Variants in SRGAP2 observed in about 807,000 individuals in gnomAD.
SRGAP2 encodes SLIT-ROBO Rho GTPase-activating protein 2.
A neutral mutation model predicts 57.2 loss-of-function variants in SRGAP2; 15 were observed. That is an observed-to-expected ratio of 0.26 (90% CI 0.18 to 0.40). The LOEUF is 0.40. SRGAP2 is among the 10% of genes least tolerant of loss of function. The pLI, the probability that SRGAP2 is intolerant of heterozygous loss-of-function variation, is 1.00. For missense variants in SRGAP2, 520 were observed against 669.6 expected (o/e 0.78, Z 2.47); for synonymous variants, 249 against 248.0 (o/e 1.00, Z -0.04).
At chr1:206,322,777 G>T (rs1227771146) in intron 3 of SRGAP2, among the ~76,000 whole-genome samples, 1 of 142,440 alleles carries the variant, frequency 7.0e-6, no homozygotes, top group Non-Finnish European at 1.5e-5. Context: ...CCTGAGTCCA[G>T]GTAATTTATA....
intron 3 of SRGAP2, among the ~76,000 whole-genome samples, chr1:206,307,100 C>G (rs1372339648): frequency 2.6e-5 from 4 of 151,938 alleles, no homozygotes; most frequent in South Asian, 2.1e-4. Context: ...CAGCTAGATA[C>G]AGAGTGTCGA....
At chr1:206,313,132 C>T (rs2102798078) in intron 3 of SRGAP2, among the ~76,000 whole-genome samples, 2 of 147,074 alleles carry the variant, frequency 1.4e-5, no homozygotes, top group South Asian at 2.2e-4. Flanking sequence ...AGACCTTCTG[C>T]TATTTTATAA....
At chr1:206,361,468 G>C (rs1452381519) in intron 4 of SRGAP2, among the ~76,000 whole-genome samples, 3 of 152,180 alleles carry the variant, frequency 2.0e-5, no homozygotes, top group Non-Finnish European at 2.9e-5. Context: ...GCCTCCTGGA[G>C]ATCCTGTGAG....
At chr1:206,319,147 C>T (rs1553326862) in intron 3 of SRGAP2, among the ~76,000 whole-genome samples, 3 of 151,082 alleles carry the variant, frequency 2.0e-5, no homozygotes, top group Non-Finnish European at 1.5e-5. Flanking sequence ...TGCGGTGGCT[C>T]ACGCCTGTAA....
chr1:206,414,831 G>A (rs189920056), intron 10 of SRGAP2, among the ~76,000 whole-genome samples: 3 of 152,238 alleles, frequency 2.0e-5, no homozygotes, highest in South Asian at 4.2e-4. Flanking sequence ...TGTTAGAGTC[G>A]AATGAGAGAA....
chr1:206,346,671 A>T (rs1395598900), intron 4 of SRGAP2, among the ~76,000 whole-genome samples: 1 of 152,088 alleles, frequency 6.6e-6, no homozygotes, highest in Admixed American at 6.5e-5. Flanking sequence ...AGATACCTTA[A>T]TTTGTGGTAT....
intron 17 of SRGAP2, among the ~76,000 whole-genome samples, chr1:206,445,674 G>A (rs1558441303): frequency 6.6e-6 from 1 of 152,210 alleles, no homozygotes; most frequent in Non-Finnish European, 1.5e-5. Flanking sequence ...CAGCCTGAGG[G>A]TCCCCGTCTG....
At chr1:206,320,650 T>TGGGAAAAATGCA (rs1673395964) in intron 3 of SRGAP2, among the ~76,000 whole-genome samples, 2 of 150,768 alleles carry the variant, frequency 1.3e-5, no homozygotes, top group Admixed American at 1.3e-4. Flanking sequence ...GGAGAAATGA[T>TGGGAAAAATGCA]TTCATTTTTC....
At chr1:206,274,382 C>CT (rs1670294171) in intron 2 of SRGAP2, among the ~76,000 whole-genome samples, 1 of 137,862 alleles carries the variant, frequency 7.3e-6, no homozygotes, top group African/African-American at 2.9e-5. Context: ...AATCCCAGCA[C>CT]TTTGGGAGGC....
chr1:206,382,190 C>A, intron 4 of SRGAP2, among the ~76,000 whole-genome samples: 1 of 117,488 alleles, frequency 8.5e-6, no homozygotes, highest in Non-Finnish European at 1.7e-5. Flanking sequence ...ATTGTCAAGA[C>A]AAAAAAATGT....
At chr1:206,206,257 A>G (rs1558216249) in intron 2 of SRGAP2, 3 of 505,184 alleles carry the variant, frequency 5.9e-6, no homozygotes, top group East Asian at 3.2e-5. Flanking sequence ...CTGTAGGAGT[A>G]TCTTTGTGGG....
At chr1:206,266,966 CTTTTTTTTTTT>C (rs1197579154) in intron 2 of SRGAP2, among the ~76,000 whole-genome samples, 33 of 70,050 alleles carry the variant, frequency 4.7e-4, no homozygotes, top group Non-Finnish European at 6.9e-4. Context: ...GCAAAACTTA[CTTTTTTTTTTT>C]TTTTTTTTTG....
intron 2 of SRGAP2, among the ~76,000 whole-genome samples, chr1:206,222,685 G>T (rs1667073728): frequency 6.7e-6 from 1 of 150,216 alleles, no homozygotes; most frequent in South Asian, 2.1e-4. Context: ...AAAAAAAGAT[G>T]GAGGTAGTTT....
chr1:206,362,963 GAT>G (rs1264913513), intron 4 of SRGAP2, among the ~76,000 whole-genome samples: 44 of 150,922 alleles, frequency 2.9e-4, no homozygotes, highest in African/African-American at 1.1e-3. Flanking sequence ...AAGCTATGAT[GAT>G]ACAGTGTAAT....
chr1:206,392,018 G>A (rs1346303065), intron 5 of SRGAP2, among the ~76,000 whole-genome samples: 7 of 150,336 alleles, frequency 4.7e-5, no homozygotes, highest in Admixed American at 1.3e-4. Context: ...TGTCTAGATT[G>A]TGGAATTGTC....
chr1:206,423,777 A>AT (rs200702527), intron 13 of SRGAP2, among the ~76,000 whole-genome samples: 10,470 of 146,028 alleles, frequency 0.072, 857 homozygotes, highest in African/African-American at 0.2. Context: ...CACCTTTCTG[A>AT]TTTTTTTTTT....
chr1:206,338,019 G>A (rs1324576280), intron 3 of SRGAP2, among the ~76,000 whole-genome samples: 1 of 151,672 alleles, frequency 6.6e-6, no homozygotes, highest in African/African-American at 2.4e-5. Flanking sequence ...AGCTATGCAG[G>A]TTTATCTCTT....
chr1:206,458,426 C>G, intron 21 of SRGAP2, 197 bp from the exon 22 acceptor site: 1 of 712,862 alleles, frequency 1.4e-6, no homozygotes, highest in Non-Finnish European at 2.6e-6. Flanking sequence ...ATCCATTTCT[C>G]CTTCACCCAG....
At chr1:206,329,595 A>AT (rs1674195340) in intron 3 of SRGAP2, among the ~76,000 whole-genome samples, 1 of 121,136 alleles carries the variant, frequency 8.3e-6, no homozygotes, top group Admixed American at 8.8e-5. Context: ...TTCACTCATG[A>AT]TTTGGCTCTC....
Sources: allele counts gnomAD v4.1 joint callset (sites outside exome capture counted in the v4.1 genomes callset), GRCh38; gene constraint gnomAD v4.1.1; transcripts MANE v1.5; gene names NCBI Gene and HGNC (gene_info 2026-07-23, HGNC 2026-07-21).